Variants in CLRN2 observed in about 807,000 individuals in gnomAD.
CLRN2 encodes clarin 2.
A neutral mutation model predicts 20.1 loss-of-function variants in CLRN2; 17 were observed. The observed-to-expected ratio is 0.85, with a 90% CI of 0.58 to 1.27. CLRN2 has a LOEUF of 1.27. Among genes scored for constraint, CLRN2 ranks in the 50% most tolerant of loss-of-function variants. The pLI, the probability that CLRN2 is intolerant of heterozygous loss-of-function variation, is 0.00. For synonymous variants in CLRN2, 140 were observed against 126.9 expected (o/e 1.10, Z -0.70); for missense variants, 288 against 299.5 (o/e 0.96, Z 0.28).
At chr4:17,520,861 T>C (rs888247976) in intron 1 of CLRN2, among the ~76,000 whole-genome samples, 4 of 151,912 alleles carry the variant, frequency 2.6e-5, no homozygotes, top group African/African-American at 9.7e-5. Flanking sequence ...CTGCTAAAAA[T>C]GCAAAAATTA....
chr4:17,517,407 C>T (rs1223445725), intron 1 of CLRN2, among the ~76,000 whole-genome samples: 1 of 152,160 alleles, frequency 6.6e-6, no homozygotes, highest in East Asian at 1.9e-4. Context: ...GTGTTGGTTT[C>T]TGAACCCCAA....
chr4:17,520,941 C>T (rs764562832), intron 1 of CLRN2, among the ~76,000 whole-genome samples: 6 of 152,128 alleles, frequency 3.9e-5, no homozygotes, highest in Non-Finnish European at 8.8e-5. Context: ...TTGCTTGAAT[C>T]AGAGAGAAGG....
chr4:17,520,685 G>C (rs745919481), intron 1 of CLRN2, among the ~76,000 whole-genome samples: 1 of 152,140 alleles, frequency 6.6e-6, no homozygotes, highest in African/African-American at 2.4e-5. Context: ...TATGTTAGTC[G>C]TGTGTCCTAA....
chr4:17,520,238 C>T lies in CLRN2; in HGVS notation c.254-2626C>T, dbSNP rs930941768. ...CACATTCCCCAAATTCCCTCTCCCC[C>T]GTCATCCTAATATGATTATTTCTCA... On this transcript the variant is annotated intron_variant, in intron 1 of 2. Coordinates refer to ENST00000511148, the MANE Select transcript of CLRN2 (RefSeq NM_001079827.2). Among the ~76,000 whole-genome samples, 26 of 152,088 alleles carry T rather than the reference C, an allele frequency of 1.7e-4. 1 individual carries two copies. Among genetic ancestry groups the T allele is most frequent in the Admixed American group, 3.3e-4 (5 of 15,262 alleles).
chr4:17,519,143 T>C (rs1711772639), intron 1 of CLRN2, among the ~76,000 whole-genome samples: 1 of 152,238 alleles, frequency 6.6e-6, no homozygotes. Flanking sequence ...GCCAGACCTC[T>C]CTGGGATTCG....
intron 1 of CLRN2, among the ~76,000 whole-genome samples, chr4:17,518,880 C>G (rs1290598648): frequency 2.6e-5 from 4 of 152,176 alleles, no homozygotes; most frequent in Non-Finnish European, 4.4e-5. Flanking sequence ...TAGTTCATTT[C>G]CTTCCATTTT....
intron 1 of CLRN2, among the ~76,000 whole-genome samples, chr4:17,519,044 C>A (rs1250568291): frequency 6.6e-6 from 1 of 152,236 alleles, no homozygotes; most frequent in East Asian, 1.9e-4. Context: ...CTACTTCCTG[C>A]CTCACAGGTA....
rs377749889 is a variant in CLRN2, at chr4:17,522,892, C to T, written c.282C>T (p.Asn94=). 37 of 1,613,832 alleles carry T rather than the reference C, an allele frequency of 2.3e-5. No individual in the cohort carries two copies. The African/African-American group carries it at 2.4e-4, about 10-fold the overall frequency. The change falls in exon 2 of 3, where the codon AAC becomes AAT. Residue 94 remains asparagine, a synonymous_variant. Transcript: ENST00000511148. Reference sequence around the variant, plus strand: ...TCCCACACCTGGTGAAGGAGCTCAACGCAGGCCTTCATGTGATGATTCTGC... The same window carrying T: ...TCCCACACCTGGTGAAGGAGCTCAATGCAGGCCTTCATGTGATGATTCTGC... ...TIFPHLVKEL[N]AGLHVMILLL...
chr4:17,516,982 G>A (rs181704434), intron 1 of CLRN2, among the ~76,000 whole-genome samples: 231 of 152,306 alleles, frequency 1.5e-3, no homozygotes, highest in Middle Eastern at 3.4e-3. Flanking sequence ...ATCTCAATGG[G>A]GTACAGGTGG....
At chr4:17,517,893 A>G (rs183046260) in intron 1 of CLRN2, among the ~76,000 whole-genome samples, 1 of 152,234 alleles carries the variant, frequency 6.6e-6, no homozygotes, top group East Asian at 1.9e-4. Context: ...GCTTTACCCC[A>G]GTACAGCTCA....
At position 17,526,841 on chromosome 4, in the gene CLRN2, C is replaced by T; in HGVS notation, c.458C>T (p.Ala153Val). The change falls in exon 3 of 3, where the codon GCC (alanine) becomes GTC (valine). Residue 153 changes from alanine (A) to valine (V), a missense_variant. Coordinates refer to ENST00000511148, the MANE Select transcript of CLRN2 (RefSeq NM_001079827.2). Reference sequence around the variant, plus strand: ...GGCGGCGTCGTGGCGTTAGCCATCGCCAGCTTCGTGGCTGCGGTGAAATTT... The same window carrying T: ...GGCGGCGTCGTGGCGTTAGCCATCGTCAGCTTCGTGGCTGCGGTGAAATTT... ...LAGGVVALAI[A>V]SFVAAVKFHD... 6.2e-7 allele frequency: 1 copy of T among 1,614,032 alleles called. No homozygotes were observed. The highest frequency in any genetic ancestry group is 8.5e-7 in the Non-Finnish European group (1 of 1,179,892).
chr4:17,524,736 A>G (rs1291361933), intron 2 of CLRN2, among the ~76,000 whole-genome samples: 1 of 151,444 alleles, frequency 6.6e-6, no homozygotes, highest in Non-Finnish European at 1.5e-5. Context: ...AGCCTGGGCA[A>G]CACAGCAAGA....
intron 1 of CLRN2, among the ~76,000 whole-genome samples, chr4:17,520,766 C>T (rs1711819644): frequency 6.6e-6 from 1 of 152,196 alleles, no homozygotes; most frequent in African/African-American, 2.4e-5. Context: ...GGTCTGGTGG[C>T]TCATGCCTGT....
At chr4:17,520,590 C>A (rs951788392) in intron 1 of CLRN2, among the ~76,000 whole-genome samples, 1 of 152,226 alleles carries the variant, frequency 6.6e-6, no homozygotes, top group Non-Finnish European at 1.5e-5. Flanking sequence ...ACACCATTGT[C>A]AACACGGTGT....
At chr4:17,523,551 G>A (rs1314096663) in intron 2 of CLRN2, among the ~76,000 whole-genome samples, 1 of 151,912 alleles carries the variant, frequency 6.6e-6, no homozygotes, top group Non-Finnish European at 1.5e-5. Flanking sequence ...TACGTGAATG[G>A]CTGAGGGCTT....
At chr4:17,526,654 T>C (rs139458166) in intron 2 of CLRN2, among the ~76,000 whole-genome samples, 163 bp from the exon 3 acceptor site, 1 of 152,364 alleles carries the variant, frequency 6.6e-6, no homozygotes, top group East Asian at 1.9e-4. Context: ...TTCTCCTTCA[T>C]ACTGTGTGGG....
Position 17,515,444 on chromosome 4 carries a change from G to A in CLRN2, c.178G>A (p.Asp60Asn). 2 of 1,613,962 alleles carry A rather than the reference G, an allele frequency of 1.2e-6. No individual in the cohort carries two copies. The highest frequency in any genetic ancestry group is 1.7e-6 in the Non-Finnish European group (2 of 1,179,880). ...TDRELVKFIG[D>N]IYYGLFRGCK... ...CAGAGAGCTGGTCAAGTTCATTGGG[G>A]ACATTTACTACGGGCTCTTCCGAGG... The change falls in exon 1 of 3, where the codon GAC becomes AAC. Residue 60 changes from aspartate (D) to asparagine (N), a missense_variant. By Grantham distance (23) the Asp-to-Asn change is conservative. Coordinates refer to ENST00000511148, the MANE Select transcript of CLRN2 (RefSeq NM_001079827.2).
In CLRN2 at chr4:17,515,225, G is replaced by A. The variant is rs1041863471; in HGVS notation, c.-42G>A. 13 of 1,602,652 alleles carry A rather than the reference G, an allele frequency of 8.1e-6. No homozygotes were observed. Among genetic ancestry groups the A allele is most frequent in the South Asian group, 1.1e-5 (1 of 90,262 alleles). ...TATCTGAAAGATGTCAATGACCCTC[G>A]CTGCTGCTCGGAGACCTTGGGGATG... On this transcript the variant is annotated 5_prime_UTR_variant, in exon 1 of 3. Coordinates refer to ENST00000511148, the MANE Select transcript of CLRN2 (RefSeq NM_001079827.2).
At chr4:17,515,616 C>G in intron 1 of CLRN2, 97 bp downstream of exon 1, 1 of 1,371,766 alleles carries the variant, frequency 7.3e-7, no homozygotes. Flanking sequence ...GCTGCTGCCT[C>G]AACGTCAGGC....
Sources: allele counts gnomAD v4.1 joint callset (sites outside exome capture counted in the v4.1 genomes callset), GRCh38; gene constraint gnomAD v4.1.1; transcripts MANE v1.5; gene names NCBI Gene and HGNC (gene_info 2026-07-23, HGNC 2026-07-21).